Variants in COL15A1 observed in about 807,000 individuals in gnomAD.
The protein encoded by COL15A1 is collagen alpha-1(XV) chain.
Under a neutral mutation model 165.9 loss-of-function variants are expected in COL15A1, and 111 were observed. The ratio of observed to expected loss-of-function variants is 0.67; its 90% confidence interval spans 0.57 to 0.78. The LOEUF is 0.78. COL15A1 is among the 30% of genes least tolerant of loss of function. The pLI is 0.00. For missense variants in COL15A1, 1,745 were observed against 1,789.7 expected, an observed-to-expected ratio of 0.98 and a Z score of 0.45; for synonymous variants, 659 against 674.8, an observed-to-expected ratio of 0.98 and a Z score of 0.36.
chr9:98,968,289 C>A (rs1837989329), intron 2 of COL15A1, among the ~76,000 whole-genome samples: 1 of 152,198 alleles, frequency 6.6e-6, no homozygotes, highest in Admixed American at 6.5e-5. Context: ...CCTAGGGCTG[C>A]GGTAACAAAC....
At chr9:99,030,205 A>G (rs879670485) in intron 16 of COL15A1, among the ~76,000 whole-genome samples, 3 of 152,188 alleles carry the variant, frequency 2.0e-5, no homozygotes, top group Non-Finnish European at 4.4e-5. Context: ...AGACGGCACT[A>G]TTTTACCTCA....
At chr9:98,945,069 T>C (rs919082527) in intron 2 of COL15A1, among the ~76,000 whole-genome samples, 2 of 152,172 alleles carry the variant, frequency 1.3e-5, no homozygotes, top group African/African-American at 4.8e-5. Flanking sequence ...GTTGTGAATA[T>C]TAGAGAAATT....
intron 7 of COL15A1, among the ~76,000 whole-genome samples, chr9:99,001,949 G>GT (rs934472596): frequency 5.9e-5 from 9 of 152,204 alleles, no homozygotes; most frequent in African/African-American, 2.2e-4. Flanking sequence ...CCCCATACAG[G>GT]TTGCCCAGAT....
chr9:99,059,422 C>T (rs1242922226), intron 35 of COL15A1, among the ~76,000 whole-genome samples: 2 of 152,224 alleles, frequency 1.3e-5, no homozygotes, highest in African/African-American at 4.8e-5. Flanking sequence ...TCTCTGGCCC[C>T]AAGGCCAGGG....
At chr9:99,068,854 A>T (rs975537001) in intron 41 of COL15A1, among the ~76,000 whole-genome samples, 184 bp downstream of exon 41, 12 of 152,228 alleles carry the variant, frequency 7.9e-5, no homozygotes, top group African/African-American at 2.7e-4. Flanking sequence ...CAGTAACTCA[A>T]TATGGAATCC....
chr9:99,049,986 C>A, intron 30 of COL15A1, 91 bp downstream of exon 30: 1 of 1,534,662 alleles, frequency 6.5e-7, no homozygotes, highest in Non-Finnish European at 9.0e-7. Context: ...CCCTTTCTAT[C>A]CTCAAATGTC....
At position 98,987,362 on chromosome 9, in the gene COL15A1, G is replaced by T. The variant is rs147914103; in HGVS notation, c.717G>T (p.Glu239Asp). 1.2e-6 allele frequency: 2 copies of T among 1,610,500 alleles called. No individual in the cohort carries two copies. The highest frequency in any genetic ancestry group is 2.3e-5 in the East Asian group (1 of 44,348). The stretch of plus-strand genomic sequence containing the variant: ...CCGAGGAGCTGTGTGACCCTGAAGA[G>T]TCCTCGGTGAGCTCCCCTACTATCC... ...RTPEELCDPE[E>D]SSASGETSGL... Residue 239 changes from glutamate to aspartate, a missense_variant, in exon 4 of 42, where the codon GAG becomes GAT. By Grantham distance (45) the Glu-to-Asp change is conservative (BLOSUM62 2). Transcript: ENST00000375001.
Position 99,055,323 on chromosome 9 carries a change from G to C in COL15A1, c.3143G>C (p.Ser1048Thr). 1 of 1,614,010 alleles carries C rather than the reference G, an allele frequency of 6.2e-7. No individual in the cohort carries two copies. Among genetic ancestry groups the C allele is most frequent in the Non-Finnish European group, 8.5e-7 (1 of 1,179,852 alleles). ...GGAGAAAAAGGAGACATTAATGGCA[G>C]CTTCCTTATGTCTGGGCCTCCAGGC... ...EKGEKGDING[S>T]FLMSGPPGLP... The change falls in exon 34 of 42, where the codon AGC becomes ACC. Residue 1048 changes from serine (S) to threonine (T), a missense_variant. Coordinates refer to ENST00000375001, the MANE Select transcript of COL15A1 (RefSeq NM_001855.5).
At chr9:98,977,119 G>A (rs1838154750) in intron 2 of COL15A1, among the ~76,000 whole-genome samples, 1 of 152,194 alleles carries the variant, frequency 6.6e-6, no homozygotes, top group Non-Finnish European at 1.5e-5. Context: ...GCTAAGCAGT[G>A]TGCTAAACAT....
intron 16 of COL15A1, among the ~76,000 whole-genome samples, chr9:99,031,623 G>GCTCATCC (rs1297808976): frequency 1.3e-5 from 2 of 152,166 alleles, no homozygotes; most frequent in Non-Finnish European, 1.5e-5. Flanking sequence ...CTCAACTAGA[G>GCTCATCC]TCCCAAAGTT....
In COL15A1 at chr9:99,068,979, T is replaced by G. The variant is rs568594953; in HGVS notation, c.3953+309T>G. 1.1e-4 allele frequency among the ~76,000 whole-genome samples: 16 copies of G among 152,350 alleles called. 1 individual carries two copies. In the South Asian group the frequency reaches 2.9e-3, roughly 28 times the overall value. ...TAAAATGAATATATGTGAAAACATA[T>G]AGCACGCAGTGGGCACATAATAAGT... is the stretch of plus-strand genomic sequence containing the variant. On this transcript the variant is annotated intron_variant, in intron 41 of 41. Coordinates refer to ENST00000375001, the MANE Select transcript of COL15A1 (RefSeq NM_001855.5).
chr9:98,998,844 G>A (rs1838595024), intron 6 of COL15A1, among the ~76,000 whole-genome samples: 1 of 152,206 alleles, frequency 6.6e-6, no homozygotes. Context: ...TGAAAGCAAT[G>A]GAGCTAGCCA....
At chr9:99,026,288 T>A (rs955970135) in intron 16 of COL15A1, among the ~76,000 whole-genome samples, 1 of 152,190 alleles carries the variant, frequency 6.6e-6, no homozygotes, top group African/African-American at 2.4e-5. Context: ...AGTGCCAAGA[T>A]GGCCCAGTCT....
intron 5 of COL15A1, among the ~76,000 whole-genome samples, chr9:98,989,738 C>G (rs1285177465): frequency 1.3e-5 from 2 of 152,202 alleles, no homozygotes; most frequent in African/African-American, 4.8e-5. Context: ...CTCAGTGCTC[C>G]AGCTGTGAAA....
Position 99,015,152 on chromosome 9 carries a change from T to C in COL15A1, c.1354-265T>C, listed in dbSNP as rs181868308. Reference sequence around the variant, plus strand: ...ATTGATTTGGGGATCCTGAGATTTATTTTCCTTTCACAAAGCTAAGGCCAG... The same window carrying C: ...ATTGATTTGGGGATCCTGAGATTTACTTTCCTTTCACAAAGCTAAGGCCAG... On this transcript the variant is annotated intron_variant, in intron 9 of 41. Coordinates refer to ENST00000375001, the MANE Select transcript of COL15A1 (RefSeq NM_001855.5). 2.6e-5 allele frequency among the ~76,000 whole-genome samples: 4 copies of C among 152,244 alleles called. No individual in the cohort carries two copies. The East Asian group carries it at 7.7e-4, about 29-fold the overall frequency.
At chr9:98,972,376 G>A (rs1214272443) in intron 2 of COL15A1, among the ~76,000 whole-genome samples, 1 of 152,132 alleles carries the variant, frequency 6.6e-6, no homozygotes, top group Non-Finnish European at 1.5e-5. Context: ...AAAGCTCCCA[G>A]GGGTGACTCT....
chr9:98,961,087 C>T (rs1482096298), intron 2 of COL15A1, among the ~76,000 whole-genome samples: 2 of 152,156 alleles, frequency 1.3e-5, no homozygotes, highest in Admixed American at 6.5e-5. Flanking sequence ...AGTTTCTGCC[C>T]TTGGTAGAAA....
intron 2 of COL15A1, among the ~76,000 whole-genome samples, chr9:98,957,107 C>T (rs1837789182): frequency 6.6e-6 from 1 of 152,174 alleles, no homozygotes; most frequent in Non-Finnish European, 1.5e-5. Context: ...AATCAGCTGA[C>T]CTCAAATGAG....
chr9:99,045,865 G>T (rs1175450368), intron 26 of COL15A1, among the ~76,000 whole-genome samples: 1 of 152,214 alleles, frequency 6.6e-6, no homozygotes, highest in African/African-American at 2.4e-5. Flanking sequence ...GGTTGAAGTT[G>T]GATCTCAGGT....
Sources: allele counts gnomAD v4.1 joint callset (sites outside exome capture counted in the v4.1 genomes callset), GRCh38; gene constraint gnomAD v4.1.1; transcripts MANE v1.5; gene names NCBI Gene and HGNC (gene_info 2026-07-23, HGNC 2026-07-21).